The following DERA variants were observed in gnomAD, a reference collection of about 807,000 sequenced individuals.
DERA encodes deoxyribose-phosphate aldolase.
Under a neutral mutation model 41.1 loss-of-function variants are expected in DERA, and 15 were observed. The ratio of observed to expected loss-of-function variants is 0.37; its 90% CI spans 0.24 to 0.56. DERA has a LOEUF of 0.56. Among genes scored for constraint, DERA ranks in the 20% least tolerant of loss-of-function variants. The probability of loss-of-function intolerance (pLI) is 0.81; values close to 1 mark genes in which losing one functional copy is unlikely to be tolerated. For missense variants in DERA, 396 were observed against 403.4 expected (o/e 0.98, Z 0.16); for synonymous variants, 139 against 137.4 (o/e 1.01, Z -0.08).
intron 3 of DERA, among the ~76,000 whole-genome samples, 154 bp downstream of exon 3, chr12:15,958,489 A>C (rs546173928): frequency 6.6e-6 from 1 of 152,000 alleles, no homozygotes; most frequent in South Asian, 2.1e-4. Context: ...TCTTCTCTGA[A>C]AAACAGCAGG....
chr12:16,026,015 C>T lies in DERA; in HGVS notation c.638-6527C>T, dbSNP rs895998459. On this transcript the variant is annotated intron_variant, in intron 6 of 8. Transcript: ENST00000428559. This position sits in a 1 kb window ranked among gnomAD's most constrained non-coding sequence, Gnocchi z 4.4. Reference sequence around the variant, plus strand: ...TTTGAACTAAATGAAAATAAAAATACACCACCAAAATTTGTAGGATGTTCC... The same window carrying T: ...TTTGAACTAAATGAAAATAAAAATATACCACCAAAATTTGTAGGATGTTCC... 2.0e-5 allele frequency among the ~76,000 whole-genome samples: 3 copies of T among 152,024 alleles called. No individual in the cohort carries two copies. In the South Asian group the frequency reaches 6.2e-4, roughly 31 times the overall value.
At position 15,998,644 on chromosome 12, in the gene DERA, T is replaced by C. The variant is rs1948855384; in HGVS notation, c.637+16208T>C. On this transcript the variant is annotated intron_variant, in intron 6 of 8. Transcript: ENST00000428559. The surrounding 1 kb of genome is among the most constrained non-coding windows in gnomAD (Gnocchi z 4.8). ...ACACAGGAAGTCTTTCAACTCACAT[T>C]TGTAGTTCAGAGATGGCTTAAAGAG... 6.6e-6 allele frequency among the ~76,000 whole-genome samples: 1 copy of C among 152,186 alleles called. No homozygotes were observed. Among genetic ancestry groups the C allele is most frequent in the African/African-American group, 2.4e-5 (1 of 41,454 alleles).
rs1236512273 is a variant in DERA, at chr12:15,982,709, G to A, written c.637+273G>A. 1.3e-5 allele frequency among the ~76,000 whole-genome samples: 2 copies of A among 152,046 alleles called. No individual in the cohort carries two copies. The highest frequency in any genetic ancestry group is 2.9e-5 in the Non-Finnish European group (2 of 68,000). ...CTCTCTTGTTAGTGAATTGCCTTCT[G>A]TTTTATTCTTTGATTATTCACTCAT... On this transcript the variant is annotated intron_variant, in intron 6 of 8. Coordinates refer to ENST00000428559, the MANE Select transcript of DERA (RefSeq NM_015954.4). The surrounding 1 kb of genome is among the most constrained non-coding windows in gnomAD (Gnocchi z 4.0).
chr12:15,949,507 G>A (rs1948480276), intron 1 of DERA, among the ~76,000 whole-genome samples: 1 of 152,174 alleles, frequency 6.6e-6, no homozygotes, highest in African/African-American at 2.4e-5. Flanking sequence ...CCGGGCGTGG[G>A]ATATAATCTC....
intron 4 of DERA, among the ~76,000 whole-genome samples, chr12:15,960,636 C>CAAAAAAAAAAAAAAAAAAAAAAAA (rs1163104277): frequency 3.5e-5 from 1 of 28,718 alleles, no homozygotes; most frequent in African/African-American, 1.3e-4. Flanking sequence ...GACTCCGTCT[C>CAAAAAAAAAAAAAAAAAAAAAAAA]AAAAAAAAAA....
At chr12:15,961,637 C>G (rs1948588580) in intron 4 of DERA, among the ~76,000 whole-genome samples, 1 of 152,226 alleles carries the variant, frequency 6.6e-6, no homozygotes. Context: ...TATTTGGCAG[C>G]TACACTTGTA....
At position 16,021,154 on chromosome 12, in the gene DERA, T is replaced by A. The variant is rs138407397; in HGVS notation, c.638-11388T>A. ...CTGTGGGGAAAAGACTTGAAGGCAT[T>A]TCAGAGGTCTTCGAAGCAGCCCCTG... is the stretch of plus-strand genomic sequence containing the variant. On this transcript the variant is annotated intron_variant, in intron 6 of 8. Coordinates refer to ENST00000428559, the MANE Select transcript of DERA (RefSeq NM_015954.4). This position sits in a 1 kb window ranked among gnomAD's most constrained non-coding sequence, Gnocchi z 5.3. Among the ~76,000 whole-genome samples the A allele has an allele frequency of 2.8e-3, 429 of 152,184 alleles. 3 individuals carry two copies. The highest frequency in any genetic ancestry group is 0.01 in the African/African-American group (416 of 41,522).
At chr12:16,016,896 AC>A (rs1438379628) in intron 6 of DERA, among the ~76,000 whole-genome samples, 1 of 152,040 alleles carries the variant, frequency 6.6e-6, no homozygotes, top group Non-Finnish European at 1.5e-5. Flanking sequence ...TGGCATTACT[AC>A]AGTTCATTTT....
At chr12:15,958,362 G>A (rs1315482420) in intron 3 of DERA, 27 bp downstream of exon 3, 1 of 1,571,602 alleles carries the variant, frequency 6.4e-7, no homozygotes, top group Non-Finnish European at 8.6e-7. Flanking sequence ...TGATCTATGT[G>A]GTGTTTAGTG....
At chr12:15,923,324 T>C (rs1244945183) in intron 1 of DERA, among the ~76,000 whole-genome samples, 2 of 152,136 alleles carry the variant, frequency 1.3e-5, no homozygotes, top group Non-Finnish European at 2.9e-5. Flanking sequence ...GCCCGGCCTG[T>C]TTTTGCTTTT....
At position 15,965,283 on chromosome 12, in the gene DERA, A is replaced by G. The variant is rs1948614489; in HGVS notation, c.508+2336A>G. On this transcript the variant is annotated intron_variant, in intron 5 of 8. Coordinates refer to ENST00000428559, the MANE Select transcript of DERA (RefSeq NM_015954.4). This position sits in a 1 kb window ranked among gnomAD's most constrained non-coding sequence, Gnocchi z 4.1. Reference sequence around the variant, plus strand: ...TGTAGGATATTTGGTAAAGCACAATAGAAAGAACCCCATTTTATTTTTTAA... The same window carrying G: ...TGTAGGATATTTGGTAAAGCACAATGGAAAGAACCCCATTTTATTTTTTAA... 6.6e-6 allele frequency among the ~76,000 whole-genome samples: 1 copy of G among 152,214 alleles called. No individual in the cohort carries two copies. Among genetic ancestry groups the G allele is most frequent in the Admixed American group, 6.5e-5 (1 of 15,280 alleles).
At position 15,998,256 on chromosome 12, in the gene DERA, TGAG is replaced by T. The variant is rs1161572043; in HGVS notation, c.637+15821_637+15823del. ...GTTGCTTCTGCTGTGTGGGCAGGAA[TGAG>T]AACCTCTGATCTAGGATCTAGCTTT... On this transcript the variant is annotated intron_variant, in intron 6 of 8. Transcript: ENST00000428559. This position sits in a 1 kb window ranked among gnomAD's most constrained non-coding sequence, Gnocchi z 4.8. Among the ~76,000 whole-genome samples the T allele has an allele frequency of 6.6e-6, 1 of 152,208 alleles. No homozygotes were observed. Among genetic ancestry groups the T allele is most frequent in the Admixed American group, 6.5e-5 (1 of 15,280 alleles).
At chr12:16,022,286 T>C (rs955787162) in intron 6 of DERA, among the ~76,000 whole-genome samples, 1 of 152,152 alleles carries the variant, frequency 6.6e-6, no homozygotes, top group Non-Finnish European at 1.5e-5. Context: ...ACATGTGTGC[T>C]CCCTCTTTGC....
At chr12:15,946,680 C>T (rs982889859) in intron 1 of DERA, among the ~76,000 whole-genome samples, 6 of 152,014 alleles carry the variant, frequency 3.9e-5, no homozygotes, top group African/African-American at 1.2e-4. Flanking sequence ...AAACCAGCTC[C>T]TGGATTCATT....
At position 15,994,922 on chromosome 12, in the gene DERA, G is replaced by T. The variant is rs1232882987; in HGVS notation, c.637+12486G>T. ...ATTCTTTCTGCAGTAATCCCAAGAG[G>T]GAGGGAGGGAGGAGAGGTATCTTAT... On this transcript the variant is annotated intron_variant, in intron 6 of 8. Transcript: ENST00000428559. The surrounding 1 kb of genome is among the most constrained non-coding windows in gnomAD (Gnocchi z 4.8). Among the ~76,000 whole-genome samples the T allele has an allele frequency of 6.6e-6, 1 of 152,190 alleles. No individual in the cohort carries two copies. Among genetic ancestry groups the T allele is most frequent in the Non-Finnish European group, 1.5e-5 (1 of 68,040 alleles).
intron 5 of DERA, among the ~76,000 whole-genome samples, chr12:15,969,869 A>G (rs1047426197): frequency 6.6e-6 from 1 of 152,150 alleles, no homozygotes; most frequent in Non-Finnish European, 1.5e-5. Flanking sequence ...TTTGGGGAGG[A>G]ATTACATAAT....
intron 6 of DERA, among the ~76,000 whole-genome samples, chr12:16,016,815 A>AAAAAAAAAG: frequency 1.3e-5 from 2 of 151,164 alleles, no homozygotes; most frequent in Admixed American, 6.6e-5. Context: ...AAAAAAAAAA[A>AAAAAAAAAG]AAAGAAAGAA....
Position 16,013,130 on chromosome 12 carries a change from G to A in DERA, c.638-19412G>A, listed in dbSNP as rs1948957642. Among the ~76,000 whole-genome samples the A allele has an allele frequency of 6.6e-6, 1 of 152,186 alleles. No homozygotes were observed. Among genetic ancestry groups the A allele is most frequent in the African/African-American group, 2.4e-5 (1 of 41,440 alleles). ...TTAACCAGAATTCTCTCTTTGGCCA[G>A]TGTGAAATTTCCAGTGTTGATACCA... On this transcript the variant is annotated intron_variant, in intron 6 of 8. Coordinates refer to ENST00000428559, the MANE Select transcript of DERA (RefSeq NM_015954.4). This position sits in a 1 kb window ranked among gnomAD's most constrained non-coding sequence, Gnocchi z 5.8.
chr12:15,950,136 A>G (rs1186937746), intron 1 of DERA, among the ~76,000 whole-genome samples: 3 of 152,208 alleles, frequency 2.0e-5, no homozygotes, highest in Non-Finnish European at 4.4e-5. Flanking sequence ...ACAAGAAAGA[A>G]TTTAGGGCGA....
Sources: gnomAD v4.1 joint callset for allele counts (sites outside exome capture counted in the v4.1 genomes callset) on GRCh38, gnomAD v4.1.1 for gene constraint, Gnocchi (gnomAD v3.1) non-coding constraint, MANE v1.5 for transcripts, NCBI Gene and HGNC (gene_info 2026-07-23, HGNC 2026-07-21) for gene names.